The following LRP5 variants were observed in gnomAD, a reference collection of about 807,000 sequenced individuals.
LRP5 encodes the protein low-density lipoprotein receptor-related protein 5.
LRP5 carries 62 observed loss-of-function variants against 154.1 expected under a neutral mutation model. That is an observed-to-expected ratio of 0.40 (90% confidence interval 0.33 to 0.50). The LOEUF (loss-of-function observed/expected upper bound fraction) is 0.50, where lower values mean the gene tolerates loss of function less well. Among genes scored for constraint, LRP5 ranks in the 20% least tolerant of loss-of-function variants. The pLI, the probability that LRP5 is intolerant of heterozygous loss-of-function variation, is 0.55. For missense variants in LRP5, 1,915 were observed against 2,336.7 expected, an observed-to-expected ratio of 0.82 and a Z score of 3.72; for synonymous variants, 966 against 1,011.5, an observed-to-expected ratio of 0.96 and a Z score of 0.85.
At chr11:68,407,944 G>C (rs1378238331) in intron 9 of LRP5, among the ~76,000 whole-genome samples, 2 of 152,236 alleles carry the variant, frequency 1.3e-5, no homozygotes, top group African/African-American at 2.4e-5. Context: ...TGACAGATCT[G>C]TATGGGCTCT....
rs181508393 is a variant in LRP5, at chr11:68,376,024, C to T, written c.1016-10292C>T. Among the ~76,000 whole-genome samples, 17 of 152,266 alleles carry T rather than the reference C, an allele frequency of 1.1e-4. No individual in the cohort carries two copies. In the East Asian group the frequency reaches 3.1e-3, roughly 28 times the overall value. ...ATTGTCACATGGTTCCATTCTAATCCGTTATTTTGGCTACTGCCACTGAGG... is the reference window on the plus strand; with the variant it reads ...ATTGTCACATGGTTCCATTCTAATCTGTTATTTTGGCTACTGCCACTGAGG... On this transcript the variant is annotated intron_variant, in intron 5 of 22. Transcript: ENST00000294304.
intron 1 of LRP5, among the ~76,000 whole-genome samples, chr11:68,332,513 G>A (rs2098603460): frequency 6.6e-6 from 1 of 152,252 alleles, no homozygotes; most frequent in Non-Finnish European, 1.5e-5. Flanking sequence ...AGGTGCAGAG[G>A]CAGGGTGAGC....
chr11:68,441,563 C>G (rs942326836), intron 21 of LRP5, among the ~76,000 whole-genome samples: 3 of 152,186 alleles, frequency 2.0e-5, no homozygotes, highest in African/African-American at 7.2e-5. Context: ...TGCCCTTCTT[C>G]CCTGCTCCTG....
rs2098643347 is a variant in LRP5, at chr11:68,386,834, T to C, written c.1412+122T>C. On this transcript the variant is annotated intron_variant, in intron 6 of 22. Transcript: ENST00000294304. The surrounding 1 kb of genome is among the most constrained non-coding windows in gnomAD (Gnocchi z 7.9). ...GCATCAGAACCCGGAGGAGGGCTTGTTAAAACACCGGCAGCTGGGCCCCAC... is the reference window on the plus strand; with the variant it reads ...GCATCAGAACCCGGAGGAGGGCTTGCTAAAACACCGGCAGCTGGGCCCCAC... 1 of 1,186,838 alleles carries C rather than the reference T, an allele frequency of 8.4e-7. No homozygotes were observed. Among genetic ancestry groups the C allele is most frequent in the East Asian group, 2.5e-5 (1 of 39,236 alleles). The allele number at this position is 1,186,838 out of a possible 1,614,324, so 73.5% of individuals were successfully genotyped here.
At chr11:68,323,171 C>T (rs1026622959) in intron 1 of LRP5, among the ~76,000 whole-genome samples, 2 of 152,214 alleles carry the variant, frequency 1.3e-5, no homozygotes, top group Non-Finnish European at 2.9e-5. Flanking sequence ...TGCAGTAGCA[C>T]AGTCTTGGCT....
chr11:68,403,770 G>A (rs922540635), intron 8 of LRP5, 71 bp downstream of exon 8: 1 of 1,583,294 alleles, frequency 6.3e-7, no homozygotes, highest in Admixed American at 1.7e-5. Context: ...ACGGGTCCAT[G>A]CCTGGGCATA....
chr11:68,399,374 T>TAA (rs1214002621), intron 7 of LRP5, among the ~76,000 whole-genome samples: 2 of 146,052 alleles, frequency 1.4e-5, no homozygotes, highest in Non-Finnish European at 3.0e-5. Context: ...CCTGCCTCTT[T>TAA]AAAAAAAAAA....
In LRP5 at chr11:68,356,651, G is replaced by T. The variant is rs1455742799; in HGVS notation, c.489-999G>T. 2.0e-5 allele frequency among the ~76,000 whole-genome samples: 3 copies of T among 152,228 alleles called. No homozygotes were observed. In the East Asian group the frequency reaches 5.8e-4, roughly 29 times the overall value. On this transcript the variant is annotated intron_variant, in intron 2 of 22. Transcript: ENST00000294304. ...ACCCAAAATCCACGTTTACACGAGGGTTCGCCCTTGATTTGTACATTCTTG... is the reference window on the plus strand; with the variant it reads ...ACCCAAAATCCACGTTTACACGAGGTTTCGCCCTTGATTTGTACATTCTTG...
intron 5 of LRP5, among the ~76,000 whole-genome samples, chr11:68,367,790 G>A (rs1565350270): frequency 2.0e-5 from 3 of 152,172 alleles, no homozygotes; most frequent in Admixed American, 1.3e-4. Flanking sequence ...CGGGCCGGGC[G>A]CAGTGGCTCA....
At chr11:68,417,449 CTT>C (rs1161126346) in intron 13 of LRP5, among the ~76,000 whole-genome samples, 19 of 41,592 alleles carry the variant, frequency 4.6e-4, no homozygotes, top group African/African-American at 1.9e-3. Context: ...AACAGATTGG[CTT>C]TTTTTTTTTT....
intron 7 of LRP5, 136 bp downstream of exon 7, chr11:68,390,188 T>A: frequency 8.2e-6 from 9 of 1,099,848 alleles, no homozygotes; most frequent in African/African-American, 1.6e-5. Context: ...GAGAAAATAG[T>A]TACAATACTT....
chr11:68,337,310 G>C (rs2098606255), intron 1 of LRP5, among the ~76,000 whole-genome samples: 1 of 152,214 alleles, frequency 6.6e-6, no homozygotes. Context: ...CTGTCCCTGG[G>C]GTTGGGGTGT....
At position 68,403,375 on chromosome 11, in the gene LRP5, C is replaced by T. The variant is rs1403081656; in HGVS notation, c.1585-108C>T. The T allele has an allele frequency of 9.9e-6, 9 of 909,756 alleles. No individual in the cohort carries two copies. The African/African-American group carries it at 1.3e-4, about 13-fold the overall frequency. 56.4% of individuals were successfully genotyped at this position (909,756 alleles called of 1,614,324 possible). ...TGCAGGTAAAGTTGCGGCTCTTGGG[C>T]ATTGAACCCGTCTTGTTTGGGGCAG... On this transcript the variant is annotated intron_variant, in intron 7 of 22. Transcript: ENST00000294304.
Position 68,429,578 on chromosome 11 carries a change from C to T in LRP5, c.3641C>T (p.Ala1214Val), listed in dbSNP as rs769437751. 33 of 1,614,118 alleles carry T rather than the reference C, an allele frequency of 2.0e-5. No homozygotes were observed. The highest frequency in any genetic ancestry group is 6.7e-5 in the East Asian group (3 of 44,880). Residue 1214 changes from alanine (A) to valine (V), a missense_variant, in exon 17 of 23, where the codon GCC (alanine) becomes GTC (valine). By Grantham distance (64) the Ala-to-Val change is moderately conservative. This residue lies in a region of LRP5 where 1,094 missense variants were observed against 1,210.1 expected (regional missense o/e 0.90). Transcript: ENST00000294304. ...VEEVSLEEFS[A>V]HPCARDNGGC... ...TTGTCTTGTTTTGTCTTTGCAGCAG[C>T]CCACCCATGTGCCCGTGACAATGGT...
At chr11:68,374,228 G>C (rs1591245156) in intron 5 of LRP5, among the ~76,000 whole-genome samples, 4 of 152,350 alleles carry the variant, frequency 2.6e-5, no homozygotes, top group South Asian at 4.1e-4. Flanking sequence ...CCCTCCGTCT[G>C]TCCGGGCGGA....
chr11:68,350,685 C>T (rs1289089453), intron 2 of LRP5, among the ~76,000 whole-genome samples: 2 of 152,254 alleles, frequency 1.3e-5, no homozygotes, highest in African/African-American at 4.8e-5. Context: ...GGTCTGTCCT[C>T]ACCAAGGCTG....
chr11:68,394,242 G>A (rs2098647959), intron 7 of LRP5, among the ~76,000 whole-genome samples: 1 of 152,150 alleles, frequency 6.6e-6, no homozygotes, highest in South Asian at 2.1e-4. Context: ...CTGGGGAATG[G>A]GGAAGGTGTC....
At chr11:68,354,739 C>T (rs988211103) in intron 2 of LRP5, among the ~76,000 whole-genome samples, 2 of 152,222 alleles carry the variant, frequency 1.3e-5, no homozygotes, top group Admixed American at 6.5e-5. Flanking sequence ...AGAGCAGCCG[C>T]TCAGCGCCTG....
chr11:68,339,194 G>T (rs2098607422), intron 1 of LRP5, among the ~76,000 whole-genome samples: 1 of 151,216 alleles, frequency 6.6e-6, no homozygotes. Context: ...TTGTTTTTTT[G>T]AGACAGAGTC....
Sources: allele counts gnomAD v4.1 joint callset (sites outside exome capture counted in the v4.1 genomes callset), GRCh38; gene constraint gnomAD v4.1.1; regional missense constraint gnomAD v4.1.1; non-coding constraint Gnocchi (gnomAD v3.1); transcripts MANE v1.5; gene names NCBI Gene and HGNC (gene_info 2026-07-23, HGNC 2026-07-21).